The following FMN1 variants were observed in gnomAD, a reference collection of about 807,000 sequenced individuals.
FMN1 encodes formin 1.
A neutral mutation model predicts 132.4 loss-of-function variants in FMN1; 110 were observed. The observed-to-expected ratio is 0.83, with a 90% confidence interval of 0.71 to 0.97. FMN1 has a LOEUF of 0.97. Ranked by LOEUF, FMN1 falls within the 50% of genes least tolerant of loss-of-function variation. The pLI, the probability that FMN1 is intolerant of heterozygous loss-of-function variation, is 0.00. For synonymous variants in FMN1, 722 were observed against 651.7 expected, an observed-to-expected ratio of 1.11 and a Z score of -1.64; for missense variants, 1,792 against 1,705.3, an observed-to-expected ratio of 1.05 and a Z score of -0.90.
chr15:33,061,328 C>T (rs142575467), intron 6 of FMN1, among the ~76,000 whole-genome samples: 42 of 152,050 alleles, frequency 2.8e-4, no homozygotes, highest in African/African-American at 9.4e-4. Flanking sequence ...CATTAGATTT[C>T]TAAGAAAAAT....
intron 17 of FMN1, among the ~76,000 whole-genome samples, chr15:32,845,092 C>T (rs1365048881): frequency 1.3e-5 from 2 of 152,178 alleles, no homozygotes; most frequent in Non-Finnish European, 2.9e-5. Flanking sequence ...AGGTGTTAAG[C>T]TCTTTCATTA....
chr15:32,828,682 A>G (rs2058430294), intron 17 of FMN1, among the ~76,000 whole-genome samples: 1 of 152,226 alleles, frequency 6.6e-6, no homozygotes, highest in Non-Finnish European at 1.5e-5. Context: ...CGGTTAAAAT[A>G]TTGTCACGAC....
intron 4 of FMN1, among the ~76,000 whole-genome samples, chr15:33,148,216 C>T (rs1371235042): frequency 6.6e-6 from 1 of 152,196 alleles, no homozygotes; most frequent in Non-Finnish European, 1.5e-5. Flanking sequence ...CTTTCACATC[C>T]ATTCACTAAT....
At chr15:32,949,986 C>CACATATATATATACACAT (rs1567449079) in intron 9 of FMN1, among the ~76,000 whole-genome samples, 3 of 8,268 alleles carry the variant, frequency 3.6e-4, no homozygotes, top group Non-Finnish European at 8.0e-4. Context: ...TATACACACA[C>CACATATATATATACACAT]ATATATATAC....
At chr15:32,982,205 C>A (rs751715140) in intron 7 of FMN1, among the ~76,000 whole-genome samples, 7 of 152,202 alleles carry the variant, frequency 4.6e-5, no homozygotes, top group Non-Finnish European at 8.8e-5. Flanking sequence ...TCACTGCACG[C>A]CTATTAGGAG....
intron 6 of FMN1, among the ~76,000 whole-genome samples, chr15:33,054,057 G>A (rs1347061288): frequency 3.9e-5 from 6 of 152,098 alleles, no homozygotes; most frequent in Non-Finnish European, 8.8e-5. Flanking sequence ...ACCCTCTAAC[G>A]AAGATGTGAA....
chr15:32,797,446 G>A (rs1385269625), intron 19 of FMN1, among the ~76,000 whole-genome samples: 2 of 152,164 alleles, frequency 1.3e-5, no homozygotes, highest in African/African-American at 4.8e-5. Context: ...TAGTATTTTC[G>A]TATGAGAATT....
intron 6 of FMN1, among the ~76,000 whole-genome samples, chr15:33,048,372 T>C (rs1438875057): frequency 1.3e-5 from 2 of 151,970 alleles, no homozygotes; most frequent in African/African-American, 4.8e-5. Context: ...TGTCCTAAAG[T>C]AAAATAACTG....
chr15:32,955,519 C>T (rs1042327023), intron 9 of FMN1, among the ~76,000 whole-genome samples: 10 of 152,000 alleles, frequency 6.6e-5, no homozygotes, highest in Admixed American at 2.0e-4. Flanking sequence ...CAAGCACAGG[C>T]GCTCAGCCTC....
chr15:32,892,562 G>A (rs1032887801), intron 15 of FMN1, among the ~76,000 whole-genome samples: 4 of 152,116 alleles, frequency 2.6e-5, no homozygotes, highest in African/African-American at 7.2e-5. Flanking sequence ...TTAGGGTGAC[G>A]CTTGCTTCAT....
chr15:32,954,684 T>A (rs1260000267), intron 9 of FMN1, among the ~76,000 whole-genome samples: 6 of 152,198 alleles, frequency 3.9e-5, no homozygotes, highest in Non-Finnish European at 7.3e-5. Context: ...TGCAGTTAAA[T>A]GCAGACGAAT....
In FMN1 at chr15:33,040,730, T is replaced by C. The variant is rs115563943; in HGVS notation, c.2161+24227A>G. Among the ~76,000 whole-genome samples, 1,039 of 152,374 alleles carry C rather than the reference T, an allele frequency of 6.8e-3. 12 individuals carry two copies. Among genetic ancestry groups the C allele is most frequent in the African/African-American group, 0.024 (1,000 of 41,598 alleles). ...AATCCCCCAGGAGTCATCCTAGCCA[T>C]GCTATGTAGCTCAACATACAATAGC... On this transcript the variant is annotated intron_variant, in intron 6 of 20. Coordinates refer to ENST00000616417, the MANE Select transcript of FMN1 (RefSeq NM_001277313.2).
chr15:32,823,167 T>TG lies in FMN1; in HGVS notation c.3929-18836_3929-18835insC, dbSNP rs1209103561. On this transcript the variant is annotated intron_variant, in intron 17 of 20. Coordinates refer to ENST00000616417, the MANE Select transcript of FMN1 (RefSeq NM_001277313.2). ...AGTTTCTACTGTTTTTTTTTTTTTT[T>TG]TTTTTTTTTTTTGAGACAGAGTCTT... 1.2e-3 allele frequency among the ~76,000 whole-genome samples: 82 copies of TG among 68,818 alleles called. 1 individual carries two copies. In the East Asian group the frequency reaches 0.029, roughly 24 times the overall value. 45.1% of individuals were successfully genotyped at this position (68,818 alleles called of 152,430 possible).
rs537375086 is a variant in FMN1 at position 32,784,754 on chromosome 15, CTG to C, written c.4131-7837_4131-7836del. Among the ~76,000 whole-genome samples, 12 of 152,298 alleles carry C rather than the reference CTG, an allele frequency of 7.9e-5. No homozygotes were observed. In the South Asian group the frequency reaches 2.5e-3, roughly 32 times the overall value. On this transcript the variant is annotated intron_variant, in intron 19 of 20. Coordinates refer to ENST00000616417, the MANE Select transcript of FMN1 (RefSeq NM_001277313.2). Reference sequence around the variant, plus strand: ...TGGGGACAGATCCAGATGAACCAGACTGTGGAAATAAGTGGGGCACCCATTTA... The same window carrying C: ...TGGGGACAGATCCAGATGAACCAGACTGGAAATAAGTGGGGCACCCATTTA...
At chr15:33,115,559 C>T (rs1459769119) in intron 4 of FMN1, among the ~76,000 whole-genome samples, 2 of 151,434 alleles carry the variant, frequency 1.3e-5, no homozygotes, top group Non-Finnish European at 2.9e-5. Context: ...TCACATACAC[C>T]CTCCCCCACC....
At chr15:32,926,930 A>T (rs1202432984) in intron 9 of FMN1, among the ~76,000 whole-genome samples, 4 of 152,126 alleles carry the variant, frequency 2.6e-5, no homozygotes, top group African/African-American at 9.7e-5. Context: ...GATCACAGGC[A>T]GGCGCCACCA....
chr15:33,115,720 TC>T (rs1165250209), intron 4 of FMN1, among the ~76,000 whole-genome samples: 1 of 152,174 alleles, frequency 6.6e-6, no homozygotes, highest in Non-Finnish European at 1.5e-5. Context: ...TTCCTGCCTC[TC>T]ATATCCCTAA....
At chr15:33,108,012 T>C (rs1474932512) in intron 4 of FMN1, among the ~76,000 whole-genome samples, 1 of 151,980 alleles carries the variant, frequency 6.6e-6, no homozygotes, top group Non-Finnish European at 1.5e-5. Flanking sequence ...TTATTGGGAG[T>C]GAGGGACTAG....
chr15:33,079,844 T>G (rs1001714605), intron 5 of FMN1, among the ~76,000 whole-genome samples: 6 of 152,234 alleles, frequency 3.9e-5, no homozygotes, highest in African/African-American at 1.2e-4. Flanking sequence ...TTTTTTCAAC[T>G]GCTTTATCAT....
Sources: gnomAD v4.1 joint callset for allele counts (sites outside exome capture counted in the v4.1 genomes callset) on GRCh38, gnomAD v4.1.1 for gene constraint, MANE v1.5 for transcripts, NCBI Gene and HGNC (gene_info 2026-07-23, HGNC 2026-07-21) for gene names.